Variants in AGK observed in about 807,000 individuals in gnomAD.
AGK encodes acylglycerol kinase, mitochondrial.
AGK carries 52 observed loss-of-function variants against 66.4 expected under a neutral mutation model. The ratio of observed to expected loss-of-function variants is 0.78; its 90% confidence interval spans 0.63 to 0.99. AGK has a LOEUF of 0.99. Among genes scored for constraint, AGK ranks in the 50% least tolerant of loss-of-function variants. AGK has a pLI of 0.00. For synonymous variants in AGK, 182 were observed against 181.1 expected, an observed-to-expected ratio of 1.00 and a Z score of -0.04; for missense variants, 451 against 506.6, an observed-to-expected ratio of 0.89 and a Z score of 1.05.
intron 10 of AGK, among the ~76,000 whole-genome samples, chr7:141,636,747 C>G (rs1430176845): frequency 6.6e-6 from 1 of 152,212 alleles, no homozygotes; most frequent in South Asian, 2.1e-4. Flanking sequence ...ATCTTTACTG[C>G]GTAACTAATT....
At chr7:141,557,642 A>T (rs940764799) in intron 2 of AGK, among the ~76,000 whole-genome samples, 1 of 152,236 alleles carries the variant, frequency 6.6e-6, no homozygotes, top group African/African-American at 2.4e-5. Flanking sequence ...TTCAGGACTA[A>T]TGGAGGCCTT....
chr7:141,575,420 T>TA (rs1263350468), intron 2 of AGK, among the ~76,000 whole-genome samples: 2 of 152,180 alleles, frequency 1.3e-5, no homozygotes, highest in African/African-American at 4.8e-5. Flanking sequence ...ACTTGGCACT[T>TA]AGAGACCTGA....
At chr7:141,584,263 G>C (rs748265298) in intron 2 of AGK, among the ~76,000 whole-genome samples, 1 of 152,078 alleles carries the variant, frequency 6.6e-6, no homozygotes, top group East Asian at 1.9e-4. Context: ...TTCAGTGGGG[G>C]AGCTTTTGAG....
intron 4 of AGK, among the ~76,000 whole-genome samples, chr7:141,600,315 A>G (rs1796316447): frequency 6.6e-6 from 1 of 152,170 alleles, no homozygotes; most frequent in Non-Finnish European, 1.5e-5. Context: ...TTGGTGGAAG[A>G]GATTGTTTTG....
At chr7:141,606,411 A>T (rs981991481) in intron 5 of AGK, among the ~76,000 whole-genome samples, 14 of 152,118 alleles carry the variant, frequency 9.2e-5, no homozygotes, top group African/African-American at 3.1e-4. Context: ...GTTGTTGTCG[A>T]TATATCATAT....
chr7:141,623,543 A>G lies in AGK; in HGVS notation c.588+1742A>G, dbSNP rs1022404648. Among the ~76,000 whole-genome samples, 13 of 152,300 alleles carry G rather than the reference A, an allele frequency of 8.5e-5. No homozygotes were observed. The East Asian group carries it at 2.5e-3, about 29-fold the overall frequency. On this transcript the variant is annotated intron_variant, in intron 9 of 15. Coordinates refer to ENST00000649286, the MANE Select transcript of AGK (RefSeq NM_018238.4). ...CAGGGCAAGGCCCTAACTCTCTCCA[A>G]TTTTATGAAGGCTGAGAGAAGTGAA...
chr7:141,613,722 T>C (rs984312966), intron 6 of AGK, among the ~76,000 whole-genome samples: 3 of 152,184 alleles, frequency 2.0e-5, no homozygotes, highest in African/African-American at 7.2e-5. Flanking sequence ...ATACTATCCT[T>C]CTTCATATTT....
intron 10 of AGK, among the ~76,000 whole-genome samples, chr7:141,635,347 A>C (rs1262714217): frequency 1.3e-5 from 2 of 152,224 alleles, no homozygotes; most frequent in Non-Finnish European, 2.9e-5. Flanking sequence ...TCAGTGGCAA[A>C]ATGTACTATT....
intron 2 of AGK, among the ~76,000 whole-genome samples, chr7:141,559,416 T>C (rs1401547302): frequency 2.0e-5 from 3 of 152,192 alleles, no homozygotes; most frequent in Non-Finnish European, 4.4e-5. Context: ...TTGAAGATCA[T>C]TTGACCATAT....
intron 2 of AGK, among the ~76,000 whole-genome samples, chr7:141,585,286 G>A (rs1000007402): frequency 1.3e-5 from 2 of 152,152 alleles, no homozygotes; most frequent in African/African-American, 2.4e-5. Context: ...GTTTGGGTAG[G>A]GAGTCCGGGA....
intron 9 of AGK, 70 bp downstream of exon 9, chr7:141,621,871 A>T (rs1796833324): frequency 8.5e-7 from 1 of 1,175,154 alleles, no homozygotes; most frequent in African/African-American, 1.5e-5. Flanking sequence ...AGAAAATAAA[A>T]TGTAGCAGTT....
chr7:141,648,434 TA>T (rs1423221586), intron 13 of AGK, among the ~76,000 whole-genome samples: 3 of 152,230 alleles, frequency 2.0e-5, no homozygotes, highest in Non-Finnish European at 4.4e-5. Context: ...TCATCCACTT[TA>T]TGTTTTGTAA....
Position 141,653,889 on chromosome 7 carries a change from G to C in AGK, c.*965G>C, listed in dbSNP as rs560921696. The C allele has an allele frequency of 2.0e-5, 3 of 152,176 alleles. No homozygotes were observed. The allele number at this position is 152,176 out of a possible 1,614,324, so 9.4% of individuals were successfully genotyped here. On this transcript the variant is annotated 3_prime_UTR_variant, in exon 16 of 16. Transcript: ENST00000649286. ...ATATTGGTATTTTAAAATAAAAACT[G>C]TTACATCACTATTTTAAACATATCC...
intron 8 of AGK, among the ~76,000 whole-genome samples, chr7:141,616,802 A>C (rs1475810867): frequency 1.4e-5 from 2 of 143,546 alleles, no homozygotes; most frequent in East Asian, 4.1e-4. Flanking sequence ...TCTGTAGCCC[A>C]GGCTGGAGTG....
chr7:141,592,621 A>G lies in AGK; in HGVS notation c.102-525A>G, dbSNP rs182667821. Among the ~76,000 whole-genome samples, 284 of 152,322 alleles carry G rather than the reference A, an allele frequency of 1.9e-3. 1 individual carries two copies. The highest frequency in any genetic ancestry group is 2.6e-3 in the Non-Finnish European group (177 of 68,026). ...GTGGCATTATTCTGGTTACCATAAT[A>G]TGGAAATATTTAACACAGACTTTTA... On this transcript the variant is annotated intron_variant, in intron 2 of 15. Coordinates refer to ENST00000649286, the MANE Select transcript of AGK (RefSeq NM_018238.4).
At chr7:141,566,270 A>G (rs1271331388) in intron 2 of AGK, among the ~76,000 whole-genome samples, 1 of 152,160 alleles carries the variant, frequency 6.6e-6, no homozygotes, top group Non-Finnish European at 1.5e-5. Context: ...ATTCATTGCT[A>G]TTGTGATTTT....
chr7:141,568,649 G>A (rs981794877), intron 2 of AGK, among the ~76,000 whole-genome samples: 21 of 150,656 alleles, frequency 1.4e-4, no homozygotes, highest in Non-Finnish European at 3.1e-4. Flanking sequence ...TTGGCTCACT[G>A]CAACCTCCAC....
Position 141,654,295 on chromosome 7 carries a change from C to T in AGK, c.*1371C>T, listed in dbSNP as rs1168741853. The T allele has an allele frequency of 1.3e-5, 2 of 151,948 alleles. No individual in the cohort carries two copies. Among genetic ancestry groups the T allele is most frequent in the Admixed American group, 6.6e-5 (1 of 15,258 alleles). 9.4% of individuals were successfully genotyped at this position (151,948 alleles called of 1,614,324 possible). The stretch of plus-strand genomic sequence containing the variant: ...CTTTATCCTAATTAGTTCATTTATC[C>T]AAGAATACATGAATGTGATTTACAG... On this transcript the variant is annotated 3_prime_UTR_variant, in exon 16 of 16. Transcript: ENST00000649286.
At chr7:141,565,964 T>C (rs1438676991) in intron 2 of AGK, among the ~76,000 whole-genome samples, 2 of 152,352 alleles carry the variant, frequency 1.3e-5, no homozygotes, top group Non-Finnish European at 2.9e-5. Flanking sequence ...TTACCAGCTC[T>C]ACATGTGCTT....
Sources: allele counts gnomAD v4.1 joint callset (sites outside exome capture counted in the v4.1 genomes callset), GRCh38; gene constraint gnomAD v4.1.1; transcripts MANE v1.5; gene names NCBI Gene and HGNC (gene_info 2026-07-23, HGNC 2026-07-21).